Variants in PTPRA observed in about 807,000 individuals in gnomAD.
PTPRA encodes the protein receptor-type tyrosine-protein phosphatase alpha.
PTPRA carries 25 observed loss-of-function variants against 104.8 expected under a neutral mutation model. That is an observed-to-expected ratio of 0.24 (90% confidence interval 0.17 to 0.33). The LOEUF is 0.33. PTPRA is among the 10% of genes least tolerant of loss of function. PTPRA has a pLI of 1.00. For missense variants in PTPRA, 765 were observed against 1,015.3 expected, an observed-to-expected ratio of 0.75 and a Z score of 3.35; for synonymous variants, 323 against 368.9, an observed-to-expected ratio of 0.88 and a Z score of 1.43.
At chr20:3,031,891 T>A (rs530697795) in intron 20 of PTPRA, among the ~76,000 whole-genome samples, 1 of 152,320 alleles carries the variant, frequency 6.6e-6, no homozygotes, top group African/African-American at 2.4e-5. Context: ...GCAAACTCTC[T>A]AGTAAAACCC....
intron 18 of PTPRA, 104 bp from the exon 19 acceptor site, chr20:3,027,017 C>T: frequency 7.8e-7 from 1 of 1,277,630 alleles, no homozygotes; most frequent in Non-Finnish European, 1.1e-6. Flanking sequence ...CATGTCCTTG[C>T]CCAGCTGGGA....
At chr20:2,901,986 A>G (rs28408447) in intron 1 of PTPRA, among the ~76,000 whole-genome samples, 25 of 152,044 alleles carry the variant, frequency 1.6e-4, no homozygotes, top group African/African-American at 4.6e-4. Flanking sequence ...CCCAGGTTCA[A>G]GTGATTCTCC....
chr20:2,925,590 G>T (rs554345697), intron 2 of PTPRA, among the ~76,000 whole-genome samples: 1 of 152,196 alleles, frequency 6.6e-6, no homozygotes, highest in Non-Finnish European at 1.5e-5. Flanking sequence ...GAGGCAGGCG[G>T]ATCACTTGAG....
At chr20:3,004,111 A>G (rs558478847) in intron 9 of PTPRA, among the ~76,000 whole-genome samples, 66 of 152,086 alleles carry the variant, frequency 4.3e-4, no homozygotes, top group African/African-American at 1.5e-3. Context: ...TCCACCTCCC[A>G]GGTTCAAGCG....
intron 6 of PTPRA, among the ~76,000 whole-genome samples, chr20:2,979,363 T>C (rs2148062735): frequency 1.3e-5 from 2 of 152,348 alleles, no homozygotes; most frequent in South Asian, 4.1e-4. Context: ...ACTCTCCTGT[T>C]GCACAGGTAT....
At chr20:2,951,096 C>T (rs148728645) in intron 3 of PTPRA, among the ~76,000 whole-genome samples, 1 of 150,728 alleles carries the variant, frequency 6.6e-6, no homozygotes, top group Admixed American at 6.6e-5. Flanking sequence ...TTGTTTGTTT[C>T]TTTCTTTCTT....
Position 2,972,427 on chromosome 20 carries a change from C to T in PTPRA, c.416-2788C>T, listed in dbSNP as rs574050889. ...CTGTGTTGCCCAGACTGGTCATGAA[C>T]TCCTGGCCTCAAGCAGTCCTCAGCC... is the stretch of plus-strand genomic sequence containing the variant. On this transcript the variant is annotated intron_variant, in intron 5 of 23. Coordinates refer to ENST00000399903, the MANE Select transcript of PTPRA (RefSeq NM_001385305.1). Among the ~76,000 whole-genome samples the T allele has an allele frequency of 2.0e-3, 310 of 152,328 alleles. 1 individual carries two copies. The highest frequency in any genetic ancestry group is 3.2e-3 in the Admixed American group (49 of 15,296).
intron 1 of PTPRA, among the ~76,000 whole-genome samples, chr20:2,914,318 G>A (rs2059820009): frequency 6.6e-6 from 1 of 152,144 alleles, no homozygotes; most frequent in Non-Finnish European, 1.5e-5. Flanking sequence ...GACAGTAGAT[G>A]GCATTGTTCC....
chr20:2,874,854 C>T (rs1346009269), intron 1 of PTPRA, among the ~76,000 whole-genome samples: 1 of 152,206 alleles, frequency 6.6e-6, no homozygotes, highest in Non-Finnish European at 1.5e-5. Context: ...ATCGGATCCT[C>T]CAATTCTCCT....
intron 2 of PTPRA, among the ~76,000 whole-genome samples, chr20:2,935,343 A>G (rs1431675783): frequency 1.3e-5 from 2 of 152,174 alleles, no homozygotes; most frequent in East Asian, 1.9e-4. Context: ...TTAAGGCTGA[A>G]TAGTGTTCCA....
intron 3 of PTPRA, 126 bp downstream of exon 3, chr20:2,948,150 G>C (rs373857594): frequency 5.0e-6 from 2 of 403,526 alleles, no homozygotes; most frequent in East Asian, 1.5e-4. Flanking sequence ...GCATAGTAAA[G>C]GATTTGCATT....
chr20:3,005,400 A>G (rs935867490), intron 10 of PTPRA, among the ~76,000 whole-genome samples: 9 of 152,062 alleles, frequency 5.9e-5, no homozygotes, highest in African/African-American at 2.2e-4. Flanking sequence ...ACCTTAAAAA[A>G]TTAGCCAGGC....
rs1568708171 is a variant in PTPRA at position 3,029,118 on chromosome 20, T to TGG, written c.1920+1277_1920+1278insGG. Among the ~76,000 whole-genome samples the TGG allele has an allele frequency of 5.5e-5, 7 of 128,338 alleles. No individual in the cohort carries two copies. In the East Asian group the frequency reaches 9.7e-4, roughly 18 times the overall value. The allele number at this position is 128,338 out of a possible 152,430, so 84.2% of individuals were successfully genotyped here. On this transcript the variant is annotated intron_variant, in intron 20 of 23. Transcript: ENST00000399903. Reference sequence around the variant, plus strand: ...CCCTGATGTTTCATTACATCAGGATTTTTTTTTTTTTTTTGGTTTTGTTTG... The same window carrying TGG: ...CCCTGATGTTTCATTACATCAGGATTGGTTTTTTTTTTTTTTGGTTTTGTTTG...
intron 3 of PTPRA, among the ~76,000 whole-genome samples, chr20:2,949,874 G>C (rs900626238): frequency 4.6e-5 from 7 of 151,894 alleles, no homozygotes; most frequent in Non-Finnish European, 7.4e-5. Flanking sequence ...TAATATGGGT[G>C]AATTATATTT....
intron 5 of PTPRA, among the ~76,000 whole-genome samples, chr20:2,971,510 A>T (rs2147995346): frequency 6.6e-6 from 1 of 152,268 alleles, no homozygotes; most frequent in East Asian, 1.9e-4. Flanking sequence ...TCATCTGCAT[A>T]TATCTTCCAA....
intron 1 of PTPRA, among the ~76,000 whole-genome samples, chr20:2,901,365 T>C (rs1331794560): frequency 6.6e-6 from 1 of 151,958 alleles, no homozygotes; most frequent in East Asian, 1.9e-4. Flanking sequence ...CTTGTAATGG[T>C]GGGTGGGTAG....
chr20:3,030,393 T>G (rs1450579799), intron 20 of PTPRA, among the ~76,000 whole-genome samples: 2 of 152,202 alleles, frequency 1.3e-5, no homozygotes, highest in African/African-American at 2.4e-5. Flanking sequence ...CAAAAGCTTC[T>G]GAGTGGATTG....
At chr20:2,885,970 A>C (rs540735977) in intron 1 of PTPRA, among the ~76,000 whole-genome samples, 18 of 152,326 alleles carry the variant, frequency 1.2e-4, no homozygotes, top group Non-Finnish European at 2.6e-4. Flanking sequence ...AGGCTGAGGC[A>C]GGAGAATTGC....
At chr20:2,981,359 G>T (rs1379024014) in intron 6 of PTPRA, among the ~76,000 whole-genome samples, 1 of 152,134 alleles carries the variant, frequency 6.6e-6, no homozygotes, top group Non-Finnish European at 1.5e-5. Context: ...AATGGCGTGA[G>T]TATAGACCAG....
Sources: gnomAD v4.1 joint callset for allele counts (sites outside exome capture counted in the v4.1 genomes callset) on GRCh38, gnomAD v4.1.1 for gene constraint, MANE v1.5 for transcripts, NCBI Gene and HGNC (gene_info 2026-07-23, HGNC 2026-07-21) for gene names.